EXD1: variants seen among roughly 807,000 people sequenced by gnomAD.
EXD1 encodes exonuclease 3'-5' domain containing 1, also known as piRNA biogenesis protein EXD1.
EXD1 carries 63 observed loss-of-function variants against 49.1 expected under a neutral mutation model. The observed-to-expected ratio is 1.28, with a 90% CI of 1.05 to 1.58. The LOEUF is 1.58. Ranked by LOEUF, EXD1 falls within the 40% of genes most tolerant of loss-of-function variation. EXD1 has a pLI of 0.00. For missense variants in EXD1, 748 were observed against 666.0 expected (o/e 1.12, Z -1.36); for synonymous variants, 234 against 239.2 (o/e 0.98, Z 0.20).
rs1170867103 is a variant in EXD1, at chr15:41,190,098, C to T, written c.895G>A (p.Val299Ile). 6.2e-7 allele frequency: 1 copy of T among 1,614,118 alleles called. No homozygotes were observed. The highest frequency in any genetic ancestry group is 1.1e-5 in the South Asian group (1 of 91,084). Residue 299 changes from valine (V) to isoleucine (I), a missense_variant, in exon 11 of 12, where the codon GTT (valine) becomes ATT (isoleucine). Val to Ile is a conservative substitution (Grantham distance 29). Coordinates refer to ENST00000458580, the MANE Select transcript of EXD1 (RefSeq NM_001286441.2). ...AAAATTTTCAGTAAAGAGGGTGAAA[C>T]AGGTCGGATGAACCATACTTCTGGA... ...ENPEVWFIRP[V>I]SPSLLKILAL...
At chr15:41,199,700 C>T (rs1291847963) in intron 7 of EXD1, among the ~76,000 whole-genome samples, 2 of 15,500 alleles carry the variant, frequency 1.3e-4, no homozygotes, top group African/African-American at 4.3e-4. Context: ...AGATATATTA[C>T]ATATATCATA....
At position 41,184,152 on chromosome 15, in the gene EXD1, A is replaced by C; in HGVS notation, c.1498T>G (p.Ser500Ala). Residue 500 changes from serine to alanine, a missense_variant, in exon 12 of 12, where the codon TCT (serine) becomes GCT (alanine). Coordinates refer to ENST00000458580, the MANE Select transcript of EXD1 (RefSeq NM_001286441.2). Reference sequence around the variant, plus strand: ...AACTGTTCTGTCTCCTCTTTCAAAGATAAACTTGCCTGAAACTCATGTTTG... The same window carrying C: ...AACTGTTCTGTCTCCTCTTTCAAAGCTAAACTTGCCTGAAACTCATGTTTG... ...TPKHEFQASLSLKEETEQLLM... is the reference protein window; with the variant it reads ...TPKHEFQASLALKEETEQLLM... The C allele has an allele frequency of 3.7e-6, 6 of 1,614,176 alleles. No homozygotes were observed. The highest frequency in any genetic ancestry group is 5.1e-6 in the Non-Finnish European group (6 of 1,180,032).
At chr15:41,199,046 C>G (rs1017018060) in intron 7 of EXD1, among the ~76,000 whole-genome samples, 1 of 151,386 alleles carries the variant, frequency 6.6e-6, no homozygotes, top group Non-Finnish European at 1.5e-5. Context: ...TCACTGCAAC[C>G]TCTGCCTCCT....
At position 41,189,924 on chromosome 15, in the gene EXD1, G is replaced by A; in HGVS notation, c.1056+13C>T. On this transcript the variant is annotated intron_variant, in intron 11 of 11. Transcript: ENST00000458580. ...GCAGAAAGGAGGTCCTGAAGACAGA[G>A]AGCTGCACCTACCTCAGTGCCTCCA... 2 of 1,612,894 alleles carry A rather than the reference G, an allele frequency of 1.2e-6. No individual in the cohort carries two copies. The highest frequency in any genetic ancestry group is 2.2e-5 in the South Asian group (2 of 91,048).
chr15:41,214,428 G>T (rs577560840), intron 6 of EXD1, among the ~76,000 whole-genome samples: 2 of 150,988 alleles, frequency 1.3e-5, no homozygotes, highest in Non-Finnish European at 2.9e-5. Flanking sequence ...CAGGAGAATC[G>T]CTTGAACCCA....
In EXD1 at chr15:41,216,781, C is replaced by A. The variant is rs746430462; in HGVS notation, c.275G>T (p.Arg92Ile). 12 of 1,613,564 alleles carry A rather than the reference C, an allele frequency of 7.4e-6. No homozygotes were observed. Residue 92 changes from arginine (R) to isoleucine (I), a missense_variant, in exon 5 of 12, where the codon AGA (arginine) becomes ATA (isoleucine). Coordinates refer to ENST00000458580, the MANE Select transcript of EXD1 (RefSeq NM_001286441.2). ...AACTTTCATTTTCTCCATCCAGGTTCTTTCTGCATGTAGACTATCCTTACA... is the reference window on the plus strand; with the variant it reads ...AACTTTCATTTTCTCCATCCAGGTTATTTCTGCATGTAGACTATCCTTACA... ...KASSVSLHAE[R>I]TWMEKMKVED...
Position 41,184,102 on chromosome 15 carries a change from A to T in EXD1, c.1548T>A (p.Asp516Glu). 1 of 1,614,190 alleles carries T rather than the reference A, an allele frequency of 6.2e-7. No individual in the cohort carries two copies. The highest frequency in any genetic ancestry group is 8.5e-7 in the Non-Finnish European group (1 of 1,180,026). ...AAACAGCCTGTTTTGTGCATTTTAAATCTTCCTTGTTTTCCACCATCAATA... is the reference window on the plus strand; with the variant it reads ...AAACAGCCTGTTTTGTGCATTTTAATTCTTCCTTGTTTTCCACCATCAATA... ...EQLLMVENKE[D>E]LKCTKQAVSM... Residue 516 changes from aspartate to glutamate, a missense_variant, in exon 12 of 12, where the codon GAT becomes GAA. Coordinates refer to ENST00000458580, the MANE Select transcript of EXD1 (RefSeq NM_001286441.2).
intron 7 of EXD1, among the ~76,000 whole-genome samples, chr15:41,208,316 T>C (rs1046899711): frequency 6.7e-6 from 1 of 148,230 alleles, no homozygotes; most frequent in Non-Finnish European, 1.5e-5. Context: ...GAAGGATTGC[T>C]TGAGACCAGG....
rs2047229466 is a variant in EXD1 at position 41,230,705 on chromosome 15, G to A, written c.-280C>T. ...ACCTGGAGAAAGGTCCGCGACGCCG[G>A]GGACACACGCCGCAGAGGCGACGCC... On this transcript the variant is annotated 5_prime_UTR_variant, in exon 1 of 12. Coordinates refer to ENST00000458580, the MANE Select transcript of EXD1 (RefSeq NM_001286441.2). 2.8e-6 allele frequency: 2 copies of A among 725,310 alleles called. No individual in the cohort carries two copies. Among genetic ancestry groups the A allele is most frequent in the Non-Finnish European group, 4.4e-6 (2 of 452,288 alleles). The allele number at this position is 725,310 out of a possible 1,614,324, so 44.9% of individuals were successfully genotyped here. A position where few individuals can be genotyped will look rare whatever the true frequency, so the allele number is the denominator to read the frequency against.
intron 9 of EXD1, among the ~76,000 whole-genome samples, chr15:41,193,660 A>G (rs1009821721): frequency 1.3e-5 from 2 of 152,022 alleles, no homozygotes; most frequent in African/African-American, 4.8e-5. Flanking sequence ...GGATGGCTTG[A>G]GCCCAGGACT....
chr15:41,200,051 G>A (rs912212683), intron 7 of EXD1, among the ~76,000 whole-genome samples: 1 of 151,382 alleles, frequency 6.6e-6, no homozygotes, highest in African/African-American at 2.4e-5. Context: ...CTACAGGCGT[G>A]CAACACTACA....
At chr15:41,207,933 C>A (rs1252013996) in intron 7 of EXD1, among the ~76,000 whole-genome samples, 1 of 151,264 alleles carries the variant, frequency 6.6e-6, no homozygotes, top group Non-Finnish European at 1.5e-5. Flanking sequence ...ATTGCTTGAA[C>A]CTGGGAGGCG....
chr15:41,209,640 G>A, intron 6 of EXD1, 53 bp from the exon 7 acceptor site: 1 of 1,474,934 alleles, frequency 6.8e-7, no homozygotes, highest in Non-Finnish European at 9.5e-7. Context: ...ATGTTGGCAT[G>A]ATAACATCAT....
intron 7 of EXD1, among the ~76,000 whole-genome samples, chr15:41,198,186 A>G (rs2046645713): frequency 6.6e-6 from 1 of 152,040 alleles, no homozygotes; most frequent in African/African-American, 2.4e-5. Flanking sequence ...TTGTGTATTA[A>G]TGGGATGACT....
intron 10 of EXD1, 77 bp from the exon 11 acceptor site, chr15:41,190,205 T>A (rs1365605542): frequency 6.7e-7 from 1 of 1,484,522 alleles, no homozygotes; most frequent in Non-Finnish European, 9.3e-7. Flanking sequence ...CTGGGCACAG[T>A]GGCTCATGCC....
At chr15:41,184,618 T>A in intron 11 of EXD1, 25 bp from the exon 12 acceptor site, 5 of 1,543,598 alleles carry the variant, frequency 3.2e-6, no homozygotes, top group Non-Finnish European at 4.3e-6. Context: ...CGAACACAAG[T>A]TTATTATAAC....
At chr15:41,186,177 G>A (rs2046404413) in intron 11 of EXD1, among the ~76,000 whole-genome samples, 1 of 151,948 alleles carries the variant, frequency 6.6e-6, no homozygotes, top group Admixed American at 6.6e-5. Context: ...TCAACCAACT[G>A]TAGATTGCAA....
chr15:41,200,078 G>A (rs1006670849), intron 7 of EXD1, among the ~76,000 whole-genome samples: 19 of 151,098 alleles, frequency 1.3e-4, no homozygotes, highest in African/African-American at 4.1e-4. Context: ...TAATTTTTTT[G>A]TATTTTGTTT....
intron 9 of EXD1, among the ~76,000 whole-genome samples, chr15:41,192,510 T>C (rs2046537067): frequency 6.7e-6 from 1 of 150,150 alleles, no homozygotes; most frequent in South Asian, 2.1e-4. Flanking sequence ...TTGGCCAGGA[T>C]AGTCTCGATC....
Sources: gnomAD v4.1 joint callset for allele counts (sites outside exome capture counted in the v4.1 genomes callset) on GRCh38, gnomAD v4.1.1 for gene constraint, MANE v1.5 for transcripts, NCBI Gene and HGNC (gene_info 2026-07-23, HGNC 2026-07-21) for gene names.